The following GYS2 variants were observed in gnomAD, a reference collection of about 807,000 sequenced individuals.
GYS2 encodes glycogen synthase 2, also known as glycogen [starch] synthase, liver.
A neutral mutation model predicts 85.6 loss-of-function variants in GYS2; 80 were observed. The ratio of observed to expected loss-of-function variants is 0.93; its 90% CI spans 0.78 to 1.13. GYS2 has a LOEUF of 1.13. GYS2 is among the 50% of genes most tolerant of loss of function. The pLI is 0.00. For synonymous variants in GYS2, 328 were observed against 300.7 expected (o/e 1.09, Z -0.94); for missense variants, 881 against 854.9 (o/e 1.03, Z -0.38).
In GYS2 at chr12:21,559,107, G is replaced by C. The variant is rs1017524546; in HGVS notation, c.1292C>G (p.Ala431Gly). Residue 431 changes from alanine to glycine, a missense_variant, in exon 10 of 16, where the codon GCC becomes GGC. Physicochemically the swap from Ala to Gly is moderately conservative, Grantham distance 60 (BLOSUM62 0). Coordinates refer to ENST00000261195, the MANE Select transcript of GYS2 (RefSeq NM_021957.4). ...DRDDLTIMKR[A>G]IFSTQRQSLP... ...CCTTATTACCTGAGTTGAAAAGATG[G>C]CTCTTTTCATAATTGTTAGATCATC... 6 of 1,597,220 alleles carry C rather than the reference G, an allele frequency of 3.8e-6. No individual in the cohort carries two copies. Among genetic ancestry groups the C allele is most frequent in the Middle Eastern group, 3.3e-4 (2 of 5,976 alleles).
intron 11 of GYS2, among the ~76,000 whole-genome samples, chr12:21,548,366 C>T (rs2126886): frequency 0.67 from 102,373 of 151,878 alleles, 36,617 homozygotes; most frequent in South Asian, 0.8. Context: ...ATGATGTTGC[C>T]GAATTCAGAG....
rs143473432 is a variant in GYS2, at chr12:21,545,181, G to A, written c.1549+1163C>T. Among the ~76,000 whole-genome samples, 4 of 152,294 alleles carry A rather than the reference G, an allele frequency of 2.6e-5. No individual in the cohort carries two copies. In the East Asian group the frequency reaches 5.8e-4, roughly 22 times the overall value. On this transcript the variant is annotated intron_variant, in intron 12 of 15. Transcript: ENST00000261195. ...GAAGAGGCCGGGTGTGATGGCTCAC[G>A]TCTATAATCCCACCACTTTGGGGAG... is the stretch of plus-strand genomic sequence containing the variant.
intron 1 of GYS2, among the ~76,000 whole-genome samples, chr12:21,584,918 T>A (rs1276050240): frequency 6.6e-6 from 1 of 152,174 alleles, no homozygotes; most frequent in Admixed American, 6.5e-5. Flanking sequence ...AATTTACTGG[T>A]CTTACCATGA....
chr12:21,569,020 C>G lies in GYS2; in HGVS notation c.679-11G>C, dbSNP rs755776990. 1.2e-6 allele frequency: 2 copies of G among 1,613,780 alleles called. No homozygotes were observed. The highest frequency in any genetic ancestry group is 1.1e-5 in the South Asian group (1 of 91,080). On this transcript the variant is annotated splice_polypyrimidine_tract_variant and intron_variant, in intron 4 of 15. Coordinates refer to ENST00000261195, the MANE Select transcript of GYS2 (RefSeq NM_021957.4). ...TTTGTCAATGTTAAACTGTTAGAAA[C>G]AAAAATAAAACACACATTTGCTAAC...
At chr12:21,576,670 T>G (rs935010780) in intron 2 of GYS2, among the ~76,000 whole-genome samples, 5 of 152,214 alleles carry the variant, frequency 3.3e-5, no homozygotes, top group Non-Finnish European at 5.9e-5. Flanking sequence ...TTCTATTACA[T>G]TCTTCAAATT....
intron 11 of GYS2, among the ~76,000 whole-genome samples, chr12:21,547,767 G>A (rs1216017497): frequency 6.6e-6 from 1 of 152,096 alleles, no homozygotes; most frequent in Non-Finnish European, 1.5e-5. Context: ...ATCTTGGGTG[G>A]TAATTATGTG....
intron 1 of GYS2, among the ~76,000 whole-genome samples, chr12:21,593,343 A>T (rs1944660236): frequency 1.3e-5 from 2 of 151,662 alleles, no homozygotes. Flanking sequence ...TTGTTATTTA[A>T]AAAAGATAAA....
chr12:21,590,794 T>C (rs1289993780), intron 1 of GYS2, among the ~76,000 whole-genome samples: 20 of 152,194 alleles, frequency 1.3e-4, no homozygotes, highest in Non-Finnish European at 1.5e-5. Context: ...TTGATATTCT[T>C]GTCTCCAGCA....
chr12:21,542,721 A>C (rs1229980366), intron 12 of GYS2, 130 bp from the exon 13 acceptor site: 1 of 706,634 alleles, frequency 1.4e-6, no homozygotes, highest in East Asian at 2.7e-5. Context: ...ACAACACTAA[A>C]CTCTTTACAT....
At chr12:21,555,657 A>C (rs4762843) in intron 11 of GYS2, among the ~76,000 whole-genome samples, 115,134 of 152,042 alleles carry the variant, frequency 0.76, 44,034 homozygotes, top group Non-Finnish European at 0.81. Flanking sequence ...AGATGCCAGA[A>C]CCCTCATTCC....
At chr12:21,567,803 G>A (rs943377440) in intron 5 of GYS2, among the ~76,000 whole-genome samples, 10 of 152,150 alleles carry the variant, frequency 6.6e-5, no homozygotes, top group Middle Eastern at 3.4e-3. Context: ...GGCTGGCCGC[G>A]GTAGCTCACA....
At chr12:21,550,693 C>A (rs938063240) in intron 11 of GYS2, among the ~76,000 whole-genome samples, 1 of 152,156 alleles carries the variant, frequency 6.6e-6, no homozygotes, top group African/African-American at 2.4e-5. Flanking sequence ...GTAATCCCAG[C>A]ACTTTGGGAG....
At chr12:21,567,996 C>T (rs967418135) in intron 5 of GYS2, among the ~76,000 whole-genome samples, 9 of 151,634 alleles carry the variant, frequency 5.9e-5, no homozygotes, top group African/African-American at 1.7e-4. Context: ...TGCTTGAACC[C>T]GGGAGGCAGA....
chr12:21,558,074 C>A lies in GYS2; in HGVS notation c.1422+126G>T, dbSNP rs573160332. ...AGTTATCCAAGACAAGAAACTGAAC[C>A]CATTTTCCTTTAAAATACTTAAAAT... On this transcript the variant is annotated intron_variant, in intron 11 of 15. Transcript: ENST00000261195. The A allele has an allele frequency of 1.7e-5, 12 of 698,208 alleles. No individual in the cohort carries two copies. The East Asian group carries it at 2.7e-4, about 16-fold the overall frequency. The allele number at this position is 698,208 out of a possible 1,614,324, so 43.3% of individuals were successfully genotyped here.
At chr12:21,566,140 T>C (rs547723707) in intron 5 of GYS2, among the ~76,000 whole-genome samples, 8 of 152,308 alleles carry the variant, frequency 5.3e-5, no homozygotes, top group African/African-American at 1.9e-4. Flanking sequence ...CATAATGATA[T>C]AGTAATAAAT....
chr12:21,590,589 A>G (rs1397160592), intron 1 of GYS2, among the ~76,000 whole-genome samples: 1 of 151,936 alleles, frequency 6.6e-6, no homozygotes, highest in East Asian at 1.9e-4. Context: ...CACCACACCC[A>G]CTGTCCAGAA....
intron 2 of GYS2, among the ~76,000 whole-genome samples, chr12:21,577,521 G>A (rs1463995583): frequency 1.3e-5 from 2 of 152,160 alleles, no homozygotes; most frequent in Non-Finnish European, 2.9e-5. Context: ...AACTTCAAAT[G>A]CAAGCCCTTT....
At chr12:21,542,405 T>C (rs2136841716) in intron 13 of GYS2, 91 bp downstream of exon 13, 1 of 825,272 alleles carries the variant, frequency 1.2e-6, no homozygotes, top group Non-Finnish European at 2.2e-6. Flanking sequence ...ATTATCAGGA[T>C]AGCTTTAGAG....
At position 21,536,957 on chromosome 12, in the gene GYS2, G is replaced by A. The variant is rs34099383; in HGVS notation, c.2109C>T (p.Asn703=). The A allele has an allele frequency of 2.5e-6, 4 of 1,604,938 alleles. No homozygotes were observed. The highest frequency in any genetic ancestry group is 2.7e-5 in the African/African-American group (2 of 74,686). ...CTTCATGCAGCACATGTAGAATTCA[G>A]TTCTTATATTCACCATGCAGCTTTT... ...GKKKLHGEYK[N] The change falls in exon 16 of 16, where the codon AAC becomes AAT. Residue 703 remains asparagine, a synonymous_variant. Coordinates refer to ENST00000261195, the MANE Select transcript of GYS2 (RefSeq NM_021957.4).
Sources: gnomAD v4.1 joint callset for allele counts (sites outside exome capture counted in the v4.1 genomes callset) on GRCh38, gnomAD v4.1.1 for gene constraint, MANE v1.5 for transcripts, NCBI Gene and HGNC (gene_info 2026-07-23, HGNC 2026-07-21) for gene names.